Variants in ADAMTS6 observed in about 807,000 individuals in gnomAD.
ADAMTS6 encodes ADAM metallopeptidase with thrombospondin type 1 motif 6, also known as A disintegrin and metalloproteinase with thrombospondin motifs 6.
Under a neutral mutation model 144.3 loss-of-function variants are expected in ADAMTS6, and 23 were observed. The ratio of observed to expected loss-of-function variants is 0.16; its 90% CI spans 0.11 to 0.23. ADAMTS6 has a LOEUF of 0.23. ADAMTS6 is among the 10% of genes least tolerant of loss of function. The pLI is 1.00. For synonymous variants in ADAMTS6, 444 were observed against 457.5 expected (o/e 0.97, Z 0.38); for missense variants, 999 against 1,379.6 (o/e 0.72, Z 4.37).
chr5:65,230,331 ATATATATGAAATATATATAATACAT>A (rs1758070302), intron 15 of ADAMTS6, among the ~76,000 whole-genome samples: 3 of 128,234 alleles, frequency 2.3e-5, no homozygotes, highest in African/African-American at 6.4e-5. Context: ...ATAATACATT[ATATATATGAAATATATATAATACAT>A]TATATATGAA....
intron 18 of ADAMTS6, among the ~76,000 whole-genome samples, chr5:65,217,457 T>C (rs960963956): frequency 1.3e-5 from 2 of 152,052 alleles, no homozygotes; most frequent in African/African-American, 4.8e-5. Context: ...TGCCATAATG[T>C]AGCTCAGAAA....
chr5:65,175,282 AAG>A (rs1316351721), intron 22 of ADAMTS6, among the ~76,000 whole-genome samples: 2 of 147,364 alleles, frequency 1.4e-5, no homozygotes, highest in Admixed American at 6.7e-5. Context: ...GAGAGAGAGA[AAG>A]AGAGAGGCAG....
chr5:65,434,792 T>C (rs1242963014), intron 7 of ADAMTS6, among the ~76,000 whole-genome samples: 2 of 152,212 alleles, frequency 1.3e-5, no homozygotes, highest in East Asian at 1.9e-4. Context: ...CTTTGGGGCA[T>C]GTGAATTGGT....
intron 14 of ADAMTS6, among the ~76,000 whole-genome samples, chr5:65,257,077 G>A (rs1427153301): frequency 7.2e-6 from 1 of 138,184 alleles, no homozygotes; most frequent in Non-Finnish European, 1.5e-5. Context: ...AGATCTGCCT[G>A]CCTCAGCCTC....
intron 12 of ADAMTS6, among the ~76,000 whole-genome samples, chr5:65,265,575 C>T (rs961197623): frequency 9.4e-5 from 14 of 148,714 alleles, no homozygotes; most frequent in African/African-American, 3.4e-4. Flanking sequence ...CAATTAACTG[C>T]TTTTTTTTTT....
chr5:65,336,492 T>A (rs1747322660), intron 7 of ADAMTS6, among the ~76,000 whole-genome samples: 1 of 152,196 alleles, frequency 6.6e-6, no homozygotes, highest in East Asian at 1.9e-4. Flanking sequence ...CTTTGCAGGA[T>A]GTATACTTAG....
intron 12 of ADAMTS6, among the ~76,000 whole-genome samples, chr5:65,265,479 C>T (rs1028013593): frequency 7.2e-5 from 11 of 152,010 alleles, no homozygotes; most frequent in Non-Finnish European, 1.3e-4. Flanking sequence ...TTGTGGTTTT[C>T]TTACTACAAG....
chr5:65,414,720 T>A (rs1357048141), intron 7 of ADAMTS6, among the ~76,000 whole-genome samples: 1 of 152,168 alleles, frequency 6.6e-6, no homozygotes, highest in African/African-American at 2.4e-5. Flanking sequence ...GAAGACTAGC[T>A]CAAGTACAGG....
intron 12 of ADAMTS6, among the ~76,000 whole-genome samples, chr5:65,272,061 A>T (rs1464567103): frequency 6.6e-6 from 1 of 152,180 alleles, no homozygotes; most frequent in Non-Finnish European, 1.5e-5. Flanking sequence ...GCACTAGGTC[A>T]TGGGTCCTGA....
chr5:65,428,306 A>C (rs1455601275), intron 7 of ADAMTS6, among the ~76,000 whole-genome samples: 1 of 152,158 alleles, frequency 6.6e-6, no homozygotes, highest in African/African-American at 2.4e-5. Flanking sequence ...GAAACAGGAC[A>C]AATAATACAA....
chr5:65,400,957 T>C (rs1395353149), intron 7 of ADAMTS6, among the ~76,000 whole-genome samples: 1 of 152,224 alleles, frequency 6.6e-6, no homozygotes, highest in East Asian at 1.9e-4. Context: ...TTGCATGCTG[T>C]TTACATTCTC....
At chr5:65,400,877 G>T (rs533128086) in intron 7 of ADAMTS6, among the ~76,000 whole-genome samples, 29 of 152,208 alleles carry the variant, frequency 1.9e-4, no homozygotes, top group African/African-American at 2.6e-4. Context: ...CAGCGTTTTT[G>T]ATCTCTAGCA....
At chr5:65,159,510 T>C (rs1203637985) in intron 24 of ADAMTS6, among the ~76,000 whole-genome samples, 1 of 152,196 alleles carries the variant, frequency 6.6e-6, no homozygotes, top group Non-Finnish European at 1.5e-5. Context: ...ACACTTGTCC[T>C]CTGTCAGGAA....
At chr5:65,162,620 TACACAC>T (rs10529076) in intron 24 of ADAMTS6, among the ~76,000 whole-genome samples, 13,921 of 145,790 alleles carry the variant, frequency 0.095, 768 homozygotes, top group Non-Finnish European at 0.12. Context: ...TATAAGATAC[TACACAC>T]ACACACACAC....
rs72760542 is a variant in ADAMTS6 at position 65,328,390 on chromosome 5, G to A, written c.1223+988C>T. On this transcript the variant is annotated intron_variant, in intron 9 of 24. Coordinates refer to ENST00000381055, the MANE Select transcript of ADAMTS6 (RefSeq NM_197941.4). ...AATATAAAACTTAAATTCTACAAATGTCAGGAGTTCTTGCAAGTAAGCTGG... is the reference window on the plus strand; with the variant it reads ...AATATAAAACTTAAATTCTACAAATATCAGGAGTTCTTGCAAGTAAGCTGG... Among the ~76,000 whole-genome samples, 1,011 of 152,152 alleles carry A rather than the reference G, an allele frequency of 6.6e-3. 3 individuals carry two copies. The highest frequency in any genetic ancestry group is 0.011 in the Non-Finnish European group (745 of 67,978).
intron 7 of ADAMTS6, among the ~76,000 whole-genome samples, chr5:65,394,472 T>C (rs1753179462): frequency 6.6e-6 from 1 of 152,186 alleles, no homozygotes; most frequent in Admixed American, 6.5e-5. Flanking sequence ...TGCTGTTGTG[T>C]TAAGCCACCA....
chr5:65,379,198 T>C (rs537907012), intron 7 of ADAMTS6, among the ~76,000 whole-genome samples: 41 of 152,314 alleles, frequency 2.7e-4, no homozygotes, highest in African/African-American at 9.6e-4. Flanking sequence ...TTTTCCCAAT[T>C]TGTAAAGGGC....
At chr5:65,325,087 C>G (rs982552682) in intron 9 of ADAMTS6, among the ~76,000 whole-genome samples, 3 of 152,050 alleles carry the variant, frequency 2.0e-5, no homozygotes, top group East Asian at 1.9e-4. Context: ...TATAGAAAAG[C>G]AAGCCTAATC....
chr5:65,325,578 C>T (rs1746084226), intron 9 of ADAMTS6, among the ~76,000 whole-genome samples: 1 of 151,672 alleles, frequency 6.6e-6, no homozygotes, highest in Non-Finnish European at 1.5e-5. Context: ...TCACTACAGC[C>T]TTGATCTTCT....
Sources: allele counts gnomAD v4.1 joint callset (sites outside exome capture counted in the v4.1 genomes callset), GRCh38; gene constraint gnomAD v4.1.1; transcripts MANE v1.5; gene names NCBI Gene and HGNC (gene_info 2026-07-23, HGNC 2026-07-21).